Variants in BRI3BP observed in about 807,000 individuals in gnomAD.
The protein encoded by BRI3BP is BRI3-binding protein.
In BRI3BP, 7 loss-of-function variants were observed where a neutral mutation model predicts 15.8. The observed-to-expected ratio is 0.44, with a 90% confidence interval of 0.25 to 0.83. The LOEUF (loss-of-function observed/expected upper bound fraction) is 0.83. Among genes scored for constraint, BRI3BP ranks in the 40% least tolerant of loss-of-function variants. The probability of loss-of-function intolerance (pLI) is 0.20; values close to 1 mark genes in which losing one functional copy is unlikely to be tolerated. For missense variants in BRI3BP, 320 were observed against 339.3 expected (o/e 0.94, Z 0.45); for synonymous variants, 192 against 163.5 (o/e 1.17, Z -1.33).
chr12:125,022,541 A>ATTTATTTTTTTTTTTTT, intron 2 of BRI3BP, among the ~76,000 whole-genome samples: 31 of 139,432 alleles, frequency 2.2e-4, no homozygotes, highest in Middle Eastern at 3.7e-3. Context: ...TTATTTATTT[A>ATTTATTTTTTTTTTTTT]TTTTTTGAGA....
chr12:125,038,364 A>G, the BRI3BP span, among the ~76,000 whole-genome samples: 3 of 152,236 alleles, frequency 2.0e-5, no homozygotes, highest in Non-Finnish European at 4.4e-5. Context: ...CTAAGCTCAG[A>G]ATAAAGCATC....
downstream of BRI3BP, among the ~76,000 whole-genome samples, chr12:125,034,648 G>A (rs891212503): frequency 6.6e-6 from 1 of 151,982 alleles, no homozygotes; most frequent in South Asian, 2.1e-4. Context: ...GGAGTGCAGT[G>A]GCGCAATCTT....
At chr12:125,018,487 C>G (rs899635816) in intron 2 of BRI3BP, among the ~76,000 whole-genome samples, 1 of 151,938 alleles carries the variant, frequency 6.6e-6, no homozygotes, top group African/African-American at 2.4e-5. Flanking sequence ...GAGAAGGCCA[C>G]GTGAAGGCAG....
the BRI3BP span, among the ~76,000 whole-genome samples, chr12:125,045,864 C>A: frequency 1.3e-5 from 2 of 152,098 alleles, no homozygotes; most frequent in African/African-American, 4.8e-5. Context: ...ATAATACCAT[C>A]ATTAAAAAGA....
chr12:125,005,866 G>A (rs550777623), intron 1 of BRI3BP, among the ~76,000 whole-genome samples: 11 of 151,808 alleles, frequency 7.2e-5, no homozygotes, highest in Non-Finnish European at 5.9e-5. Context: ...TTTGGGCTTC[G>A]CTGTAAGCTC....
At chr12:125,020,657 G>A (rs559186046) in intron 2 of BRI3BP, among the ~76,000 whole-genome samples, 2 of 152,358 alleles carry the variant, frequency 1.3e-5, no homozygotes, top group African/African-American at 2.4e-5. Context: ...GGTTGAGGCA[G>A]ATGGATTGCT....
downstream of BRI3BP, among the ~76,000 whole-genome samples, chr12:125,035,148 C>G (rs757072003): frequency 6.6e-6 from 1 of 152,176 alleles, no homozygotes; most frequent in Admixed American, 6.5e-5. Flanking sequence ...CGACTATGAA[C>G]ACTTATGTAT....
rs1223911961 is a variant in BRI3BP, at chr12:125,026,462, C to T, written c.*1032C>T. 1 of 152,004 alleles carries T rather than the reference C, an allele frequency of 6.6e-6. No individual in the cohort carries two copies. The highest frequency in any genetic ancestry group is 6.5e-5 in the Admixed American group (1 of 15,270). The allele number at this position is 152,004 out of a possible 1,614,324, so 9.4% of individuals were successfully genotyped here. On this transcript the variant is annotated 3_prime_UTR_variant, in exon 3 of 3. Transcript: ENST00000341446. ...GCAAGCCTTTGAAAAGATCTGAATTCTTTTTCCTGAAATATTTACGATACA... is the reference window on the plus strand; with the variant it reads ...GCAAGCCTTTGAAAAGATCTGAATTTTTTTTCCTGAAATATTTACGATACA...
chr12:125,014,452 G>T (rs767321039), intron 2 of BRI3BP, among the ~76,000 whole-genome samples: 12 of 152,312 alleles, frequency 7.9e-5, no homozygotes, highest in Admixed American at 3.3e-4. Flanking sequence ...GTGACGGAAG[G>T]ACGCAAACAC....
intron 1 of BRI3BP, among the ~76,000 whole-genome samples, chr12:124,998,124 CAAAA>C (rs35401601): frequency 1.6e-5 from 2 of 126,894 alleles, no homozygotes; most frequent in Non-Finnish European, 1.7e-5. Context: ...AACTCCGTCT[CAAAA>C]AAAAAAAAAA....
chr12:124,994,549 A>G (rs2135984395), intron 1 of BRI3BP, among the ~76,000 whole-genome samples: 1 of 152,172 alleles, frequency 6.6e-6, no homozygotes, highest in South Asian at 2.1e-4. Context: ...GCTTTGGGAA[A>G]CCGAGCACCT....
chr12:125,018,433 G>A (rs1006636577), intron 2 of BRI3BP, among the ~76,000 whole-genome samples: 1 of 152,130 alleles, frequency 6.6e-6, no homozygotes, highest in Non-Finnish European at 1.5e-5. Flanking sequence ...AATGTGACCG[G>A]TGTCCTTATA....
the BRI3BP span, among the ~76,000 whole-genome samples, chr12:125,036,723 A>G: frequency 0.014 from 2,197 of 152,288 alleles, 43 homozygotes; most frequent in African/African-American, 0.05. Flanking sequence ...CTAATTCCCA[A>G]TGTGATGGTA....
chr12:125,014,216 CA>C (rs1955220711), intron 2 of BRI3BP, among the ~76,000 whole-genome samples: 1 of 152,140 alleles, frequency 6.6e-6, no homozygotes, highest in Non-Finnish European at 1.5e-5. Flanking sequence ...CTTCTGTCCA[CA>C]AGGTGGAGGC....
intron 2 of BRI3BP, among the ~76,000 whole-genome samples, chr12:125,014,099 G>T (rs1358984863): frequency 6.6e-6 from 1 of 152,168 alleles, no homozygotes; most frequent in African/African-American, 2.4e-5. Context: ...GAGCTTCAGA[G>T]GCATCCCATG....
chr12:124,993,831 GGCTCCT>G lies in BRI3BP; in HGVS notation c.45_50del (p.Leu24_Leu25del). On this transcript the variant is annotated inframe_deletion, in exon 1 of 3. Transcript: ENST00000341446. Reference sequence around the variant, plus strand: ...TCAGGCGGGCCCCTGGCCCGGGCCGGGCTCCTGCTGCTGCTGCTGCTGCTGCTGCTG... The same window carrying G: ...TCAGGCGGGCCCCTGGCCCGGGCCGGGCTGCTGCTGCTGCTGCTGCTGCTG... 2 of 1,110,934 alleles carry G rather than the reference GGCTCCT, an allele frequency of 1.8e-6. No homozygotes were observed. Among genetic ancestry groups the G allele is most frequent in the Non-Finnish European group, 2.2e-6 (2 of 914,130 alleles). 68.8% of individuals were successfully genotyped at this position (1,110,934 alleles called of 1,614,324 possible).
chr12:125,024,625 C>T (rs1955332352), intron 2 of BRI3BP, among the ~76,000 whole-genome samples: 2 of 152,008 alleles, frequency 1.3e-5, no homozygotes. Flanking sequence ...CATGGAGAAA[C>T]CCCGTCTCTA....
chr12:125,001,181 A>C (rs1205860264), intron 1 of BRI3BP, among the ~76,000 whole-genome samples: 1 of 151,696 alleles, frequency 6.6e-6, no homozygotes, highest in Non-Finnish European at 1.5e-5. Flanking sequence ...CAGCCTCCCA[A>C]ATAGCTGGGA....
intron 2 of BRI3BP, among the ~76,000 whole-genome samples, chr12:125,016,315 A>G (rs1955242992): frequency 6.6e-6 from 1 of 150,988 alleles, no homozygotes; most frequent in Non-Finnish European, 1.5e-5. Flanking sequence ...CTGGTAAAAA[A>G]GGTTTCTGTG....
Sources: allele counts gnomAD v4.1 joint callset (sites outside exome capture counted in the v4.1 genomes callset), GRCh38; gene constraint gnomAD v4.1.1; transcripts MANE v1.5; gene names NCBI Gene and HGNC (gene_info 2026-07-23, HGNC 2026-07-21).